HS6ST3: variants seen among roughly 807,000 people sequenced by gnomAD.
The protein encoded by HS6ST3 is heparan-sulfate 6-O-sulfotransferase 3.
A neutral mutation model predicts 36.7 loss-of-function variants in HS6ST3; 12 were observed. That is an observed-to-expected ratio of 0.33 (90% confidence interval 0.21 to 0.53). The LOEUF (loss-of-function observed/expected upper bound fraction) is 0.53, where lower values mean the gene tolerates loss of function less well. Ranked by LOEUF, HS6ST3 falls within the 20% of genes least tolerant of loss-of-function variation. The probability of loss-of-function intolerance (pLI) is 0.95; values close to 1 mark genes in which losing one functional copy is unlikely to be tolerated. For synonymous variants in HS6ST3, 240 were observed against 257.5 expected, an observed-to-expected ratio of 0.93 and a Z score of 0.65; for missense variants, 584 against 640.9, an observed-to-expected ratio of 0.91 and a Z score of 0.96.
At position 96,263,684 on chromosome 13, in the gene HS6ST3, A is replaced by G. The variant is rs191720601; in HGVS notation, c.707+172115A>G. On this transcript the variant is annotated intron_variant, in intron 1 of 1. Coordinates refer to ENST00000376705, the MANE Select transcript of HS6ST3 (RefSeq NM_153456.4). ...AGTTCTTAAGTATTTAATGAATCACAAAAGATTTAGTATAGATTATAGATA... is the reference window on the plus strand; with the variant it reads ...AGTTCTTAAGTATTTAATGAATCACGAAAGATTTAGTATAGATTATAGATA... 4.9e-3 allele frequency among the ~76,000 whole-genome samples: 740 copies of G among 152,340 alleles called. 1 individual carries two copies. Among genetic ancestry groups the G allele is most frequent in the Admixed American group, 0.012 (188 of 15,300 alleles).
intron 1 of HS6ST3, among the ~76,000 whole-genome samples, chr13:96,307,070 G>A: frequency 6.6e-6 from 1 of 152,120 alleles, no homozygotes; most frequent in East Asian, 1.9e-4. Flanking sequence ...GGGGAATAAT[G>A]ATATAGGAAA....
At chr13:96,225,385 G>C (rs1035610384) in intron 1 of HS6ST3, among the ~76,000 whole-genome samples, 1 of 152,214 alleles carries the variant, frequency 6.6e-6, no homozygotes, top group Non-Finnish European at 1.5e-5. Context: ...CCACAAGTTA[G>C]GAAACATCAG....
At chr13:96,434,702 C>T (rs1594779493) in intron 1 of HS6ST3, among the ~76,000 whole-genome samples, 1 of 152,258 alleles carries the variant, frequency 6.6e-6, no homozygotes, top group East Asian at 1.9e-4. Flanking sequence ...CTGAGCTTTT[C>T]TGGGTGGTCT....
At chr13:96,675,661 A>AC (rs1318067256) in intron 1 of HS6ST3, among the ~76,000 whole-genome samples, 1 of 152,086 alleles carries the variant, frequency 6.6e-6, no homozygotes, top group African/African-American at 2.4e-5. Flanking sequence ...ACAATGTAAG[A>AC]CCCTCTGCAT....
chr13:96,764,007 A>G (rs2138502015), intron 1 of HS6ST3, among the ~76,000 whole-genome samples: 1 of 152,340 alleles, frequency 6.6e-6, no homozygotes, highest in African/African-American at 2.4e-5. Context: ...ATGGCTTTCT[A>G]TTATACCCAC....
intron 1 of HS6ST3, among the ~76,000 whole-genome samples, chr13:96,212,138 C>CT (rs966739904): frequency 6.6e-6 from 1 of 152,082 alleles, no homozygotes; most frequent in East Asian, 1.9e-4. Flanking sequence ...TAAAAGAAAG[C>CT]TTTTTTGTAG....
At chr13:96,268,316 C>T (rs1479872790) in intron 1 of HS6ST3, among the ~76,000 whole-genome samples, 1 of 151,900 alleles carries the variant, frequency 6.6e-6, no homozygotes, top group Non-Finnish European at 1.5e-5. Flanking sequence ...AGGAAACTTA[C>T]AATCACGGCA....
chr13:96,704,599 C>T (rs1218441215), intron 1 of HS6ST3, among the ~76,000 whole-genome samples: 1 of 152,064 alleles, frequency 6.6e-6, no homozygotes, highest in African/African-American at 2.4e-5. Context: ...GAGGCATGGG[C>T]TGAAGAGAAG....
chr13:96,626,817 T>C (rs944461955), intron 1 of HS6ST3, among the ~76,000 whole-genome samples: 5 of 152,134 alleles, frequency 3.3e-5, no homozygotes, highest in Non-Finnish European at 7.4e-5. Flanking sequence ...CATTGTTTGA[T>C]GCTATTCTAC....
At chr13:96,213,370 T>G (rs541746710) in intron 1 of HS6ST3, among the ~76,000 whole-genome samples, 24 of 152,330 alleles carry the variant, frequency 1.6e-4, no homozygotes, top group Non-Finnish European at 4.4e-5. Context: ...GGATATATTT[T>G]TAACTGTTTG....
At chr13:96,559,360 C>G (rs992934421) in intron 1 of HS6ST3, among the ~76,000 whole-genome samples, 1 of 152,112 alleles carries the variant, frequency 6.6e-6, no homozygotes, top group East Asian at 1.9e-4. Flanking sequence ...CTCAAGTGAT[C>G]CACCCACCTT....
intron 1 of HS6ST3, among the ~76,000 whole-genome samples, chr13:96,490,570 C>G (rs1388922962): frequency 2.0e-5 from 3 of 152,134 alleles, no homozygotes; most frequent in Non-Finnish European, 4.4e-5. Flanking sequence ...ATGTGTATTA[C>G]AGTGCTGAAA....
chr13:96,772,461 G>A (rs564838334), intron 1 of HS6ST3, among the ~76,000 whole-genome samples: 1 of 152,268 alleles, frequency 6.6e-6, no homozygotes, highest in South Asian at 2.1e-4. Context: ...GTTGGGCCTT[G>A]ATTATCTAAT....
At chr13:96,154,055 A>G (rs1455806384) in intron 1 of HS6ST3, among the ~76,000 whole-genome samples, 1 of 152,188 alleles carries the variant, frequency 6.6e-6, no homozygotes, top group Non-Finnish European at 1.5e-5. Flanking sequence ...TGTTATGAGA[A>G]TAAAATGAGA....
chr13:96,394,296 A>AT (rs147050572), intron 1 of HS6ST3, among the ~76,000 whole-genome samples: 32,443 of 147,046 alleles, frequency 0.22, 3,720 homozygotes, highest in South Asian at 0.36. Flanking sequence ...AGCTTCCCCC[A>AT]TTTTTGTATC....
At chr13:96,771,484 T>C in intron 1 of HS6ST3, among the ~76,000 whole-genome samples, 1 of 152,102 alleles carries the variant, frequency 6.6e-6, no homozygotes, top group East Asian at 1.9e-4. Context: ...ATTCTAATCA[T>C]GTAATCACTC....
At chr13:96,679,213 T>C (rs769143301) in intron 1 of HS6ST3, among the ~76,000 whole-genome samples, 7 of 151,026 alleles carry the variant, frequency 4.6e-5, no homozygotes, top group Non-Finnish European at 1.0e-4. Flanking sequence ...GGCCAATGCT[T>C]ATCTCTGGGT....
intron 1 of HS6ST3, among the ~76,000 whole-genome samples, chr13:96,552,796 G>A (rs1489606346): frequency 6.6e-6 from 1 of 152,142 alleles, no homozygotes; most frequent in Non-Finnish European, 1.5e-5. Context: ...TATAAGGATG[G>A]TATTGAGAAA....
intron 1 of HS6ST3, among the ~76,000 whole-genome samples, chr13:96,414,240 C>A (rs957477709): frequency 7.2e-5 from 11 of 152,148 alleles, no homozygotes; most frequent in Admixed American, 3.3e-4. Context: ...AGAGAAAATT[C>A]ATTTCATTGT....
Sources: gnomAD v4.1 joint callset for allele counts (sites outside exome capture counted in the v4.1 genomes callset) on GRCh38, gnomAD v4.1.1 for gene constraint, MANE v1.5 for transcripts, NCBI Gene and HGNC (gene_info 2026-07-23, HGNC 2026-07-21) for gene names.